DNAL1: variants seen among roughly 807,000 people sequenced by gnomAD.
DNAL1 encodes chromosome 14 open reading frame 168.
In DNAL1, 17 loss-of-function variants were observed where a neutral mutation model predicts 29.4. The ratio of observed to expected loss-of-function variants is 0.58; its 90% confidence interval spans 0.40 to 0.87. The LOEUF (loss-of-function observed/expected upper bound fraction) is 0.87. Among genes scored for constraint, DNAL1 ranks in the 40% least tolerant of loss-of-function variants. The pLI is 0.00. For missense variants in DNAL1, 188 were observed against 214.1 expected, an observed-to-expected ratio of 0.88 and a Z score of 0.76; for synonymous variants, 78 against 76.3, an observed-to-expected ratio of 1.02 and a Z score of -0.12.
At chr14:73,682,337 A>ATTTTTTTT (rs57403758) in intron 5 of DNAL1, among the ~76,000 whole-genome samples, 1,071 of 93,250 alleles carry the variant, frequency 0.011, no homozygotes, top group East Asian at 0.045. Context: ...TGCCTGGCTA[A>ATTTTTTTT]TTTTTTTTTT....
At chr14:73,693,966 G>C (rs1892235580) in intron 7 of DNAL1, among the ~76,000 whole-genome samples, 1 of 152,068 alleles carries the variant, frequency 6.6e-6, no homozygotes, top group African/African-American at 2.4e-5. Context: ...CAAATGCTCA[G>C]GAGTGTACAG....
chr14:73,675,217 C>T (rs1196102581), intron 5 of DNAL1, among the ~76,000 whole-genome samples: 1 of 149,622 alleles, frequency 6.7e-6, no homozygotes, highest in East Asian at 1.9e-4. Flanking sequence ...CACAAACACA[C>T]ACACACACAC....
At chr14:73,682,946 G>A (rs183511358) in intron 5 of DNAL1, among the ~76,000 whole-genome samples, 104 of 147,708 alleles carry the variant, frequency 7.0e-4, no homozygotes, top group African/African-American at 2.1e-3. Flanking sequence ...GCACAATCTC[G>A]GCTCACCGCA....
chr14:73,647,151 G>A (rs1017721742), intron 1 of DNAL1, among the ~76,000 whole-genome samples: 37 of 151,886 alleles, frequency 2.4e-4, no homozygotes, highest in Non-Finnish European at 4.7e-4. Context: ...GAGGTCAGAA[G>A]ATCGAGACCA....
chr14:73,700,416 C>G lies in DNAL1; in HGVS notation c.*4474C>G, dbSNP rs1180856021. The G allele has an allele frequency of 2.0e-5, 3 of 152,102 alleles. No homozygotes were observed. The East Asian group carries it at 5.8e-4, about 29-fold the overall frequency. 9.4% of individuals were successfully genotyped at this position (152,102 alleles called of 1,614,324 possible). On this transcript the variant is annotated 3_prime_UTR_variant, in exon 8 of 8. Transcript: ENST00000553645. ...GGAATTTGAACTTGAATAAACACTT[C>G]TTTTGACACCTTTTACCAGTGGTCT...
Position 73,682,252 on chromosome 14 carries a change from C to T in DNAL1, c.265-5007C>T, listed in dbSNP as rs1306387511. 8.8e-5 allele frequency among the ~76,000 whole-genome samples: 13 copies of T among 147,334 alleles called. No individual in the cohort carries two copies. The South Asian group carries it at 2.8e-3, about 31-fold the overall frequency. On this transcript the variant is annotated intron_variant, in intron 5 of 7. Coordinates refer to ENST00000553645, the MANE Select transcript of DNAL1 (RefSeq NM_031427.4). ...GTGGCTCAATCTCAGTTCACTGCAA[C>T]CTCTGCCTCCCAGGTTCAAGTGATT...
At chr14:73,670,746 T>C (rs1484118557) in intron 4 of DNAL1, among the ~76,000 whole-genome samples, 1 of 145,486 alleles carries the variant, frequency 6.9e-6, no homozygotes, top group Non-Finnish European at 1.5e-5. Flanking sequence ...TTTATTATTA[T>C]TTTTTTTTGA....
chr14:73,672,722 A>G (rs146727952), intron 5 of DNAL1, among the ~76,000 whole-genome samples: 1 of 151,334 alleles, frequency 6.6e-6, no homozygotes, highest in East Asian at 1.9e-4. Context: ...CTAATTGGAT[A>G]TGGTGAGTAA....
intron 1 of DNAL1, chr14:73,651,106 A>G (rs1016925039): frequency 5.9e-5 from 9 of 152,226 alleles, no homozygotes; most frequent in African/African-American, 1.9e-4. Flanking sequence ...TCATGGTTCA[A>G]TAAACACCAT....
intron 7 of DNAL1, among the ~76,000 whole-genome samples, chr14:73,693,052 TC>T (rs1892213886): frequency 1.3e-5 from 2 of 152,118 alleles, no homozygotes; most frequent in Non-Finnish European, 2.9e-5. Context: ...GCAAGGCTGG[TC>T]TTCAACTCCT....
At chr14:73,681,104 GTT>G (rs1891864063) in intron 5 of DNAL1, among the ~76,000 whole-genome samples, 1 of 143,436 alleles carries the variant, frequency 7.0e-6, no homozygotes, top group Non-Finnish European at 1.6e-5. Context: ...TGTTGTTGTT[GTT>G]ATTTGTTGTT....
At chr14:73,679,092 GTTCAAGCGATTCTCCTGCC>G (rs1165320280) in intron 5 of DNAL1, among the ~76,000 whole-genome samples, 3 of 152,170 alleles carry the variant, frequency 2.0e-5, no homozygotes, top group African/African-American at 7.2e-5. Flanking sequence ...CACCTCCCGG[GTTCAAGCGATTCTCCTGCC>G]TCAGCCTCCC....
rs11379191 is a variant in DNAL1, at chr14:73,678,511, C to CTTTTT, written c.264+6932_264+6936dup. 6.8e-3 allele frequency among the ~76,000 whole-genome samples: 800 copies of CTTTTT among 118,150 alleles called. 16 individuals are homozygous for CTTTTT. The highest frequency in any genetic ancestry group is 0.024 in the African/African-American group (758 of 31,644). The allele number at this position is 118,150 out of a possible 152,430, so 77.5% of individuals were successfully genotyped here. ...TATTCAAATATAGTGAGCAGGTATT[C>CTTTTT]TTTTTTTTTTTTTTTTTTTTTTAGC... On this transcript the variant is annotated intron_variant, in intron 5 of 7. Transcript: ENST00000553645.
chr14:73,687,010 A>ATTT lies in DNAL1; in HGVS notation c.265-236_265-234dup, dbSNP rs372358652. Among the ~76,000 whole-genome samples, 975 of 141,450 alleles carry ATTT rather than the reference A, an allele frequency of 6.9e-3. 6 individuals carry two copies. The highest frequency in any genetic ancestry group is 0.024 in the African/African-American group (932 of 38,596). 92.8% of individuals were successfully genotyped at this position (141,450 alleles called of 152,430 possible). ...TATTAGTAACGTATTATGTTTTGTG[A>ATTT]TTTTTTTTTTTTTTTAGTGGAGCAG... On this transcript the variant is annotated intron_variant, in intron 5 of 7. Coordinates refer to ENST00000553645, the MANE Select transcript of DNAL1 (RefSeq NM_031427.4).
At position 73,671,531 on chromosome 14, in the gene DNAL1, TTTCAC is replaced by T; in HGVS notation, c.209-9_209-5del. 6.8e-7 allele frequency: 1 copy of T among 1,462,220 alleles called. No individual in the cohort carries two copies. Among genetic ancestry groups the T allele is most frequent in the Non-Finnish European group, 9.1e-7 (1 of 1,100,762 alleles). The allele number at this position is 1,462,220 out of a possible 1,614,324, so 90.6% of individuals were successfully genotyped here. ...TCTAGTAAACAAAAAAATGTTTTCT[TTTCAC>T]TACAGAAAACTTGAGGATATTATCT... On this transcript the variant is annotated splice_polypyrimidine_tract_variant and splice_region_variant and intron_variant, in intron 4 of 7. Coordinates refer to ENST00000553645, the MANE Select transcript of DNAL1 (RefSeq NM_031427.4).
intron 7 of DNAL1, among the ~76,000 whole-genome samples, chr14:73,689,811 G>A (rs1566891686): frequency 6.6e-6 from 1 of 151,768 alleles, no homozygotes; most frequent in Non-Finnish European, 1.5e-5. Flanking sequence ...TGAGGCGGGT[G>A]GATCACCGAA....
chr14:73,694,053 G>A (rs1892237260), intron 7 of DNAL1, among the ~76,000 whole-genome samples: 1 of 151,880 alleles, frequency 6.6e-6, no homozygotes. Flanking sequence ...AGGTACTGGG[G>A]TTTGTTCTTC....
intron 1 of DNAL1, among the ~76,000 whole-genome samples, chr14:73,647,954 G>A (rs963658709): frequency 5.3e-5 from 8 of 152,072 alleles, no homozygotes; most frequent in Middle Eastern, 3.4e-3. Flanking sequence ...TACTTCCTCC[G>A]GCAGTGCAGG....
intron 1 of DNAL1, among the ~76,000 whole-genome samples, chr14:73,645,555 A>G (rs1359270440): frequency 6.6e-6 from 1 of 152,172 alleles, no homozygotes; most frequent in Admixed American, 6.6e-5. Flanking sequence ...TGATGGATAT[A>G]TTAGAGCAGT....
Sources: allele counts gnomAD v4.1 joint callset (sites outside exome capture counted in the v4.1 genomes callset), GRCh38; gene constraint gnomAD v4.1.1; transcripts MANE v1.5; gene names NCBI Gene and HGNC (gene_info 2026-07-23, HGNC 2026-07-21).